TMEM258: variants seen among roughly 807,000 people sequenced by gnomAD.
TMEM258 encodes dolichyl-diphosphooligosaccharide--protein glycosyltransferase subunit TMEM258.
TMEM258 carries 11 observed loss-of-function variants against 9.9 expected under a neutral mutation model. The ratio of observed to expected loss-of-function variants is 1.11; its 90% CI spans 0.70 to 1.85. TMEM258 has a LOEUF of 1.85. Ranked by LOEUF, TMEM258 falls within the 40% of genes most tolerant of loss-of-function variation. The pLI, the probability that TMEM258 is intolerant of heterozygous loss-of-function variation, is 0.00. For missense variants in TMEM258, 81 were observed against 99.7 expected (o/e 0.81, Z 0.80); for synonymous variants, 40 against 39.1 (o/e 1.02, Z -0.09).
intron 1 of TMEM258, chr11:61,791,461 A>C (rs1050765811): frequency 1.3e-5 from 2 of 149,626 alleles, no homozygotes; most frequent in Admixed American, 1.3e-4. Context: ...ACAGGGTTTC[A>C]CCTTGCTGGC....
At chr11:61,789,700 TA>T in intron 3 of TMEM258, 84 bp downstream of exon 3, 1 of 1,458,340 alleles carries the variant, frequency 6.9e-7, no homozygotes, top group South Asian at 1.4e-5. Flanking sequence ...GTAAGAGCTT[TA>T]AGGACCCTGC....
intron 1 of TMEM258, chr11:61,792,349 C>T: frequency 1.6e-6 from 1 of 621,594 alleles, no homozygotes; most frequent in Non-Finnish European, 2.8e-6. Context: ...ATTCGCCCCA[C>T]GCCTCTCGCC....
intron 3 of TMEM258, 119 bp from the exon 4 acceptor site, chr11:61,789,354 C>T (rs1476091110): frequency 1.2e-5 from 2 of 162,762 alleles, no homozygotes; most frequent in Non-Finnish European, 2.7e-5. Flanking sequence ...GGATGAGCCA[C>T]CAGAGCTGAT....
rs1178533010 is a variant in TMEM258, at chr11:61,790,576, G to A, written c.30C>T (p.Thr10=). 1.2e-6 allele frequency: 2 copies of A among 1,613,938 alleles called. No individual in the cohort carries two copies. The highest frequency in any genetic ancestry group is 1.3e-5 in the African/African-American group (1 of 74,926). Residue 10 remains threonine (T), a synonymous_variant, in exon 2 of 4, where the codon ACC becomes ACT. Transcript: ENST00000537328. MELEAMSRY[T]SPVNPAVFPH... The stretch of plus-strand genomic sequence containing the variant: ...GGAAGACAGCTGGGTTCACTGGGCT[G>A]GTATATCTGCTCATGGCCTCGAGCT...
rs1279531276 is a variant in TMEM258 at position 61,789,900 on chromosome 11, C to T, written c.135G>A (p.Lys45=). 3 of 1,613,452 alleles carry T rather than the reference C, an allele frequency of 1.9e-6. No homozygotes were observed. In the East Asian group the frequency reaches 6.7e-5, roughly 36 times the overall value. The change falls in exon 3 of 4, where the codon AAG becomes AAA. Residue 45 remains lysine, a synonymous_variant. Coordinates refer to ENST00000537328, the MANE Select transcript of TMEM258 (RefSeq NM_014206.4). The stretch of plus-strand genomic sequence containing the variant: ...GCTCTTTATAGATATCACGAGTGTA[C>T]TTGGTAGAGGTGACCTCGTAACTGG... ...WFFVYEVTST[K]YTRDIYKELL...
intron 3 of TMEM258, 171 bp downstream of exon 3, chr11:61,789,614 A>C (rs544481604): frequency 6.4e-5 from 47 of 737,550 alleles, no homozygotes; most frequent in Non-Finnish European, 9.6e-5. Context: ...TATGAGGGGC[A>C]GGGAAAGAGG....
chr11:61,790,423 C>G, intron 2 of TMEM258, 70 bp downstream of exon 2: 3 of 1,386,272 alleles, frequency 2.2e-6, no homozygotes, highest in Non-Finnish European at 3.0e-6. Context: ...GTCCATGTAC[C>G]TAGCGTGGTT....
At chr11:61,791,285 G>T (rs1273355889) in intron 1 of TMEM258, among the ~76,000 whole-genome samples, 2 of 149,374 alleles carry the variant, frequency 1.3e-5, no homozygotes, top group Non-Finnish European at 3.0e-5. Flanking sequence ...AGACAGTCTT[G>T]CTCTATCGCC....
chr11:61,789,450 G>C (rs2066764485), intron 3 of TMEM258, among the ~76,000 whole-genome samples: 1 of 152,164 alleles, frequency 6.6e-6, no homozygotes, highest in South Asian at 2.1e-4. Context: ...CTTCCCAGCA[G>C]CCTCTCCAAG....
intron 1 of TMEM258, 67 bp downstream of exon 1, chr11:61,792,489 G>T: frequency 6.2e-7 from 1 of 1,609,198 alleles, no homozygotes; most frequent in Non-Finnish European, 8.5e-7. Context: ...GAGGAGATAA[G>T]CGCGGTGTGG....
At position 61,789,996 on chromosome 11, in the gene TMEM258, G is replaced by A. The variant is rs1382275484; in HGVS notation, c.114-75C>T. 8 of 1,533,340 alleles carry A rather than the reference G, an allele frequency of 5.2e-6. No individual in the cohort carries two copies. In the African/African-American group the frequency reaches 5.5e-5, roughly 11 times the overall value. 95.0% of individuals were successfully genotyped at this position (1,533,340 alleles called of 1,614,324 possible). A position where few individuals can be genotyped will look rare whatever the true frequency, so the allele number is the denominator to read the frequency against. On this transcript the variant is annotated intron_variant, in intron 2 of 3. Coordinates refer to ENST00000537328, the MANE Select transcript of TMEM258 (RefSeq NM_014206.4). ...AGAGCCCAGCCCACGGCAATCTGAG[G>A]AGAAAAGCATTGGCTCAATGCCTTC...
chr11:61,792,412 C>T lies in TMEM258; in HGVS notation c.3+144G>A. ...AGGAGTTCATGGCAAGGGGCTTCCC[C>T]CTTCCCCACCCTTCAGCCCAAGCCG... On this transcript the variant is annotated intron_variant, in intron 1 of 3. Coordinates refer to ENST00000537328, the MANE Select transcript of TMEM258 (RefSeq NM_014206.4). The T allele has an allele frequency of 5.0e-6, 6 of 1,209,762 alleles. No individual in the cohort carries two copies. The South Asian group carries it at 7.4e-5, about 15-fold the overall frequency. 74.9% of individuals were successfully genotyped at this position (1,209,762 alleles called of 1,614,324 possible). A position where few individuals can be genotyped will look rare whatever the true frequency, so the allele number is the denominator to read the frequency against.
At position 61,790,567 on chromosome 11, in the gene TMEM258, C is replaced by T. The variant is rs2066776899; in HGVS notation, c.39G>A (p.Val13=). ...TCAGATGGGGGAAGACAGCTGGGTT[C>T]ACTGGGCTGGTATATCTGCTCATGG... The part of the protein sequence containing the change: ...LEAMSRYTSP[V]NPAVFPHLTV... The change falls in exon 2 of 4, where the codon GTG becomes GTA. Residue 13 remains valine, a synonymous_variant. Transcript: ENST00000537328. 2.5e-6 allele frequency: 4 copies of T among 1,614,008 alleles called. No individual in the cohort carries two copies. The highest frequency in any genetic ancestry group is 3.3e-5 in the Admixed American group (2 of 59,994).
At chr11:61,790,336 C>T (rs1055135006) in intron 2 of TMEM258, 157 bp downstream of exon 2, 1 of 697,574 alleles carries the variant, frequency 1.4e-6, no homozygotes, top group Non-Finnish European at 2.5e-6. Flanking sequence ...AAGGCTATAA[C>T]CTGCCCCTGG....
intron 2 of TMEM258, chr11:61,790,141 T>A: frequency 1.7e-6 from 1 of 603,618 alleles, no homozygotes; most frequent in Non-Finnish European, 2.8e-6. Flanking sequence ...TTGCCCCAGG[T>A]CACACAGCTC....
chr11:61,789,751 G>C (rs1469597352), intron 3 of TMEM258, 34 bp downstream of exon 3: 1 of 1,582,536 alleles, frequency 6.3e-7, no homozygotes, highest in Non-Finnish European at 8.6e-7. Context: ...CTGTGCCTTG[G>C]AGGCTCACGC....
In TMEM258 at chr11:61,790,618, A is replaced by G. The variant is rs2066777268; in HGVS notation, c.4-16T>C. ...CCTCGAGCTCCTAGAGGAGGGAAAG[A>G]GATCAGAGCTATCAAAGAATCCCAC... On this transcript the variant is annotated splice_polypyrimidine_tract_variant and intron_variant, in intron 1 of 3. Coordinates refer to ENST00000537328, the MANE Select transcript of TMEM258 (RefSeq NM_014206.4). 6.2e-7 allele frequency: 1 copy of G among 1,602,046 alleles called. No homozygotes were observed.
chr11:61,790,037 G>C, intron 2 of TMEM258, 116 bp from the exon 3 acceptor site: 1 of 1,319,548 alleles, frequency 7.6e-7, no homozygotes, highest in East Asian at 2.5e-5. Context: ...GGCCTATCTG[G>C]CTCAGAGCAG....
intron 2 of TMEM258, 100 bp downstream of exon 2, chr11:61,790,393 C>T (rs1271638029): frequency 9.5e-6 from 10 of 1,047,474 alleles, no homozygotes; most frequent in Non-Finnish European, 1.2e-5. Flanking sequence ...AGCCCCAATC[C>T]AATGTACAAA....
Sources: allele counts gnomAD v4.1 joint callset (sites outside exome capture counted in the v4.1 genomes callset), GRCh38; gene constraint gnomAD v4.1.1; transcripts MANE v1.5; gene names NCBI Gene and HGNC (gene_info 2026-07-23, HGNC 2026-07-21).